FAR1: variants seen among roughly 807,000 people sequenced by gnomAD.
The protein encoded by FAR1 is fatty acyl-CoA reductase 1, also known as male sterility domain-containing protein 2.
A neutral mutation model predicts 61.1 loss-of-function variants in FAR1; 22 were observed. That is an observed-to-expected ratio of 0.36 (90% CI 0.26 to 0.51). FAR1 has a LOEUF of 0.51. Among genes scored for constraint, FAR1 ranks in the 20% least tolerant of loss-of-function variants. The pLI is 0.95. For missense variants in FAR1, 359 were observed against 626.9 expected (o/e 0.57, Z 4.56); for synonymous variants, 206 against 209.7 (o/e 0.98, Z 0.15).
chr11:13,710,249 C>A (rs551760974), intron 4 of FAR1, among the ~76,000 whole-genome samples: 2 of 151,976 alleles, frequency 1.3e-5, no homozygotes, highest in Non-Finnish European at 2.9e-5. Context: ...AACCTGCAAA[C>A]TTCCAGAAGG....
At chr11:13,694,021 T>C (rs1848283108) in intron 1 of FAR1, among the ~76,000 whole-genome samples, 1 of 152,206 alleles carries the variant, frequency 6.6e-6, no homozygotes. Context: ...TGCTAAACAA[T>C]ACAGAGCATT....
At chr11:13,691,559 C>T (rs765212728) in intron 1 of FAR1, among the ~76,000 whole-genome samples, 5 of 152,146 alleles carry the variant, frequency 3.3e-5, no homozygotes, top group Non-Finnish European at 7.3e-5. Context: ...CAGGCAACTA[C>T]CAGTTTGCAT....
chr11:13,715,455 A>G (rs1019235504), intron 9 of FAR1, among the ~76,000 whole-genome samples: 3 of 152,136 alleles, frequency 2.0e-5, no homozygotes, highest in African/African-American at 7.2e-5. Context: ...ATGAGTTTGT[A>G]TAGGGGATTA....
At chr11:13,692,036 C>T (rs777898464) in intron 1 of FAR1, among the ~76,000 whole-genome samples, 10 of 151,988 alleles carry the variant, frequency 6.6e-5, no homozygotes, top group Admixed American at 1.3e-4. Flanking sequence ...GGCGTGGTGG[C>T]GGGCACCTGT....
At chr11:13,728,438 C>G (rs1848688289) in intron 11 of FAR1, among the ~76,000 whole-genome samples, 174 bp from the exon 12 acceptor site, 1 of 151,820 alleles carries the variant, frequency 6.6e-6, no homozygotes, top group African/African-American at 2.4e-5. Flanking sequence ...ATGGGAAGCT[C>G]TAGAAATTCA....
At chr11:13,720,665 T>C (rs1196067300) in intron 9 of FAR1, 1 of 152,034 alleles carries the variant, frequency 6.6e-6, no homozygotes, top group Non-Finnish European at 1.5e-5. Context: ...TTTCTCCTTA[T>C]TTCTAATGTA....
intron 1 of FAR1, among the ~76,000 whole-genome samples, chr11:13,691,532 C>T (rs1848249896): frequency 6.6e-6 from 1 of 152,200 alleles, no homozygotes; most frequent in African/African-American, 2.4e-5. Flanking sequence ...CTCAACTATT[C>T]CCCTATGCCA....
At chr11:13,689,351 G>A (rs917803800) in intron 1 of FAR1, among the ~76,000 whole-genome samples, 1 of 152,176 alleles carries the variant, frequency 6.6e-6, no homozygotes, top group East Asian at 1.9e-4. Context: ...ACTTTTGGCC[G>A]TAGATGTTTT....
chr11:13,698,842 A>G lies in FAR1; in HGVS notation c.190-1475A>G, dbSNP rs546337267. 1.4e-3 allele frequency among the ~76,000 whole-genome samples: 216 copies of G among 152,226 alleles called. 1 individual carries two copies. Among genetic ancestry groups the G allele is most frequent in the African/African-American group, 5.0e-3 (208 of 41,520 alleles). The stretch of plus-strand genomic sequence containing the variant: ...CAAGACTCCGTCTCAAAAAAAAAAA[A>G]AAATCTTTATCAGTAGTTCACCATG... On this transcript the variant is annotated intron_variant, in intron 2 of 11. Transcript: ENST00000354817.
chr11:13,682,976 A>G (rs186053134), intron 1 of FAR1, among the ~76,000 whole-genome samples: 3 of 152,270 alleles, frequency 2.0e-5, no homozygotes, highest in Admixed American at 6.5e-5. Context: ...AAGACATGCA[A>G]TCTAATGAAT....
chr11:13,680,319 T>A (rs1369611881), intron 1 of FAR1, among the ~76,000 whole-genome samples: 3 of 152,180 alleles, frequency 2.0e-5, no homozygotes, highest in African/African-American at 7.2e-5. Flanking sequence ...ACTCAAACTC[T>A]TCGCCTCATG....
At chr11:13,694,651 G>C (rs1263584221) in intron 1 of FAR1, 108 bp from the exon 2 acceptor site, 4 of 934,228 alleles carry the variant, frequency 4.3e-6, no homozygotes, top group Non-Finnish European at 6.3e-6. Flanking sequence ...GTTCTATTTT[G>C]ACTTTTGTCT....
At chr11:13,727,453 A>T in intron 10 of FAR1, 103 bp from the exon 11 acceptor site, 1 of 1,010,328 alleles carries the variant, frequency 9.9e-7, no homozygotes, top group African/African-American at 1.7e-5. Flanking sequence ...AGAATTTTGT[A>T]ATTATGTCAC....
chr11:13,687,440 A>G (rs891776956), intron 1 of FAR1, among the ~76,000 whole-genome samples: 13 of 152,194 alleles, frequency 8.5e-5, no homozygotes, highest in Admixed American at 2.0e-4. Flanking sequence ...TTTTCAACAG[A>G]TGACAGGCGC....
At chr11:13,689,072 A>T (rs1848219326) in intron 1 of FAR1, among the ~76,000 whole-genome samples, 1 of 152,244 alleles carries the variant, frequency 6.6e-6, no homozygotes, top group South Asian at 2.1e-4. Flanking sequence ...CTTCTGAGAA[A>T]TCAATCAAAA....
At chr11:13,699,755 T>C (rs966277160) in intron 2 of FAR1, among the ~76,000 whole-genome samples, 3 of 152,236 alleles carry the variant, frequency 2.0e-5, no homozygotes, top group African/African-American at 7.2e-5. Flanking sequence ...GTAATACTTC[T>C]GAAGTTTGTT....
At chr11:13,707,857 A>G (rs1393424948) in intron 3 of FAR1, 43 bp from the exon 4 acceptor site, 1 of 1,405,804 alleles carries the variant, frequency 7.1e-7, no homozygotes, top group Non-Finnish European at 9.4e-7. Flanking sequence ...GTAAAATAAC[A>G]TAGCTTCCCA....
chr11:13,720,824 G>C (rs1848603005), intron 9 of FAR1: 1 of 151,902 alleles, frequency 6.6e-6, no homozygotes, highest in African/African-American at 2.4e-5. Flanking sequence ...TCACAGAAGT[G>C]GGGATTTTTT....
intron 3 of FAR1, among the ~76,000 whole-genome samples, chr11:13,704,325 A>G (rs1012066439): frequency 5.3e-5 from 8 of 152,146 alleles, no homozygotes; most frequent in Non-Finnish European, 1.0e-4. Flanking sequence ...AAATAGAGCA[A>G]TTCTGAGTGA....
Sources: gnomAD v4.1 joint callset for allele counts (sites outside exome capture counted in the v4.1 genomes callset) on GRCh38, gnomAD v4.1.1 for gene constraint, MANE v1.5 for transcripts, NCBI Gene and HGNC (gene_info 2026-07-23, HGNC 2026-07-21) for gene names.